The following FER1L5 variants were observed in gnomAD, a reference collection of about 807,000 sequenced individuals.
The protein encoded by FER1L5 is fer-1 like family member 5, also known as fer-1-like protein 5.
Under a neutral mutation model 279.9 loss-of-function variants are expected in FER1L5, and 187 were observed. The observed-to-expected ratio is 0.67, with a 90% CI of 0.59 to 0.75. FER1L5 has a LOEUF of 0.75. FER1L5 is among the 30% of genes least tolerant of loss of function. FER1L5 has a pLI of 0.00. For missense variants in FER1L5, 2,091 were observed against 2,594.4 expected (o/e 0.81, Z 4.21); for synonymous variants, 921 against 989.7 (o/e 0.93, Z 1.30).
At position 96,702,513 on chromosome 2, in the gene FER1L5, G is replaced by A. The variant is rs984344146; in HGVS notation, c.5256-87G>A. The A allele has an allele frequency of 3.5e-5, 54 of 1,548,456 alleles. No homozygotes were observed. Among genetic ancestry groups the A allele is most frequent in the Admixed American group, 2.8e-4 (14 of 50,888 alleles). On this transcript the variant is annotated intron_variant, in intron 47 of 52. Coordinates refer to ENST00000624922, the MANE Select transcript of FER1L5 (RefSeq NM_001293083.2). The surrounding 1 kb of genome is among the most constrained non-coding windows in gnomAD (Gnocchi z 4.0). Reference sequence around the variant, plus strand: ...ACCTCTCCATCCAGCTCTGCCTGGCGTCGGCTGGGCAGCCCTTCCCATGGG... The same window carrying A: ...ACCTCTCCATCCAGCTCTGCCTGGCATCGGCTGGGCAGCCCTTCCCATGGG...
rs148662359 is a variant in FER1L5 at position 96,657,065 on chromosome 2, T to TTATA, written c.747+2584_747+2587dup. On this transcript the variant is annotated intron_variant, in intron 9 of 52. Transcript: ENST00000624922. ...TGTTTTTTTATTTTTATTTTTTAATTTATATATATATATATATAGTTTTTT... is the reference window on the plus strand; with the variant it reads ...TGTTTTTTTATTTTTATTTTTTAATTTATATATATATATATATATATAGTTTTTT... 8.4e-3 allele frequency among the ~76,000 whole-genome samples: 1,224 copies of TTATA among 145,814 alleles called. 9 individuals are homozygous for TTATA. Among genetic ancestry groups the TTATA allele is most frequent in the East Asian group, 0.021 (106 of 5,020 alleles).
chr2:96,660,352 G>T lies in FER1L5; in HGVS notation c.759G>T (p.Gly253=). 1.3e-6 allele frequency: 2 copies of T among 1,551,588 alleles called. No homozygotes were observed. The highest frequency in any genetic ancestry group is 1.7e-6 in the Non-Finnish European group (2 of 1,146,954). The stretch of plus-strand genomic sequence containing the variant: ...TGTTGTCTTTTCAGACAGATATTGG[G>T]TTTATCTACCATTCTCCAGGTAGGT... ...AEIGRFQTDI[G]FIYHSPGHTL... The change falls in exon 10 of 53, where the codon GGG becomes GGT. Residue 253 remains glycine, a synonymous_variant. Coordinates refer to ENST00000624922, the MANE Select transcript of FER1L5 (RefSeq NM_001293083.2).
At chr2:96,669,246 G>C (rs919006412) in intron 17 of FER1L5, 109 bp downstream of exon 17, 1 of 1,077,008 alleles carries the variant, frequency 9.3e-7, no homozygotes, top group African/African-American at 1.6e-5. Flanking sequence ...TCTGTCCCTC[G>C]GGGTCTTGTG....
At chr2:96,653,170 C>T (rs905717992) in intron 7 of FER1L5, 2 of 174,128 alleles carry the variant, frequency 1.1e-5, no homozygotes, top group African/African-American at 2.4e-5. Flanking sequence ...GATTGCACCA[C>T]CACACTCCAG....
intron 31 of FER1L5, 88 bp downstream of exon 31, chr2:96,692,269 C>T: frequency 7.1e-7 from 1 of 1,415,682 alleles, no homozygotes; most frequent in South Asian, 1.2e-5. Flanking sequence ...CAAGGCAGCC[C>T]TGCTTGCAGT....
chr2:96,685,968 C>A lies in FER1L5; in HGVS notation c.1924C>A (p.Pro642Thr). The A allele has an allele frequency of 6.5e-7, 1 of 1,548,594 alleles. No homozygotes were observed. The change falls in exon 22 of 53, where the codon CCC (proline) becomes ACC (threonine). Residue 642 changes from proline (P) to threonine (T), a missense_variant. Transcript: ENST00000624922. ...KRPLPCMTYQ[P>T]KATSLDRKRW... The stretch of plus-strand genomic sequence containing the variant: ...CCCTCTGCCCTGCATGACCTATCAG[C>A]CCAAAGCCACCAGCCTGGACAGGAA...
rs1024584622 is a variant in FER1L5, at chr2:96,693,492, C to T, written c.3293-14C>T. On this transcript the variant is annotated splice_polypyrimidine_tract_variant and intron_variant, in intron 31 of 52. Transcript: ENST00000624922. ...CAGCTCAAGACACTGCTACCTTCTC[C>T]TCTACCCCTCCAGGGCCCTTCATTC... 4 of 1,548,020 alleles carry T rather than the reference C, an allele frequency of 2.6e-6. No homozygotes were observed. The highest frequency in any genetic ancestry group is 2.7e-5 in the African/African-American group (2 of 72,868).
chr2:96,666,032 C>G (rs767663272), intron 14 of FER1L5, among the ~76,000 whole-genome samples: 3 of 151,876 alleles, frequency 2.0e-5, no homozygotes, highest in Non-Finnish European at 4.4e-5. Context: ...GGGTGGGGCC[C>G]TTTGGATACT....
Position 96,689,109 on chromosome 2 carries a change from T to A in FER1L5, c.2362-104T>A. 7.4e-7 allele frequency: 1 copy of A among 1,359,574 alleles called. No individual in the cohort carries two copies. Among genetic ancestry groups the A allele is most frequent in the Non-Finnish European group, 9.8e-7 (1 of 1,017,304 alleles). The allele number at this position is 1,359,574 out of a possible 1,614,324, so 84.2% of individuals were successfully genotyped here. ...CCTTTCTTGCCTGGCTACCACATTT[T>A]TAGGATGCCCCTGCAGCCCAGAGTC... is the stretch of plus-strand genomic sequence containing the variant. On this transcript the variant is annotated intron_variant, in intron 24 of 52. Transcript: ENST00000624922. The surrounding 1 kb of genome is among the most constrained non-coding windows in gnomAD (Gnocchi z 4.6).
At chr2:96,652,296 G>A (rs1301584683) in intron 7 of FER1L5, 1 of 447,278 alleles carries the variant, frequency 2.2e-6, no homozygotes, top group Non-Finnish European at 4.1e-6. Context: ...TGGGAGTATT[G>A]CTATTGGAGG....
chr2:96,688,502 G>A (rs147302053), intron 24 of FER1L5, among the ~76,000 whole-genome samples: 38 of 152,336 alleles, frequency 2.5e-4, no homozygotes, highest in African/African-American at 8.4e-4. Context: ...TAGAACCAGA[G>A]GAGGGGAGAT....
At chr2:96,661,509 C>T (rs1558859350) in intron 11 of FER1L5, 69 bp downstream of exon 11, 2 of 1,514,588 alleles carry the variant, frequency 1.3e-6, no homozygotes, top group African/African-American at 1.4e-5. Flanking sequence ...TGGGCCTCAC[C>T]CTGGATATTG....
chr2:96,649,232 A>G (rs2075266600), intron 4 of FER1L5, among the ~76,000 whole-genome samples: 1 of 152,140 alleles, frequency 6.6e-6, no homozygotes, highest in African/African-American at 2.4e-5. Context: ...GAAGGAGCTC[A>G]GTTAGAAGGG....
intron 51 of FER1L5, 29 bp from the exon 52 acceptor site, chr2:96,704,186 T>G (rs1468942536): frequency 1.2e-6 from 2 of 1,609,512 alleles, no homozygotes; most frequent in African/African-American, 2.7e-5. Flanking sequence ...TCCCTGCCAT[T>G]CTCTGACATC....
At chr2:96,679,414 G>A (rs2076635261) in intron 19 of FER1L5, among the ~76,000 whole-genome samples, 1 of 152,092 alleles carries the variant, frequency 6.6e-6, no homozygotes. Context: ...AGTAGAGACG[G>A]GGTTTCACCA....
rs752557299 is a variant in FER1L5, at chr2:96,699,984, C to T, written c.4834C>T (p.Arg1612Cys). 8.1e-6 allele frequency: 13 copies of T among 1,613,888 alleles called. No individual in the cohort carries two copies. Among genetic ancestry groups the T allele is most frequent in the East Asian group, 4.5e-5 (2 of 44,900 alleles). ...DQMPPSYLLERYAKRKGLPPP... is the reference protein window; with the variant it reads ...DQMPPSYLLECYAKRKGLPPP... ...GATGCCCCCAAGCTACCTCCTAGAACGCTATGCCAAGCGGAAAGGGCTACC... is the reference window on the plus strand; with the variant it reads ...GATGCCCCCAAGCTACCTCCTAGAATGCTATGCCAAGCGGAAAGGGCTACC... Residue 1612 changes from arginine to cysteine, a missense_variant, in exon 44 of 53, where the codon CGC (arginine) becomes TGC (cysteine). By Grantham distance (180) the Arg-to-Cys change is radical. Coordinates refer to ENST00000624922, the MANE Select transcript of FER1L5 (RefSeq NM_001293083.2).
intron 13 of FER1L5, among the ~76,000 whole-genome samples, chr2:96,662,912 G>A (rs568606991): frequency 3.3e-5 from 5 of 152,154 alleles, no homozygotes; most frequent in South Asian, 2.1e-4. Context: ...TAGGTGAAAC[G>A]TTCTCAGGTG....
At chr2:96,695,395 GC>G (rs1171227325) in intron 34 of FER1L5, 113 bp from the exon 35 acceptor site, 1 of 1,361,700 alleles carries the variant, frequency 7.3e-7, no homozygotes, top group African/African-American at 1.5e-5. Flanking sequence ...CCATTCCCTG[GC>G]CCTGCAGGCT....
chr2:96,674,904 C>G (rs1040737454), intron 19 of FER1L5, among the ~76,000 whole-genome samples: 6 of 152,180 alleles, frequency 3.9e-5, no homozygotes, highest in African/African-American at 1.2e-4. Context: ...GAAAGGGTCC[C>G]TGTTTGCTCT....
Sources: allele counts gnomAD v4.1 joint callset (sites outside exome capture counted in the v4.1 genomes callset), GRCh38; gene constraint gnomAD v4.1.1; non-coding constraint Gnocchi (gnomAD v3.1); transcripts MANE v1.5; gene names NCBI Gene and HGNC (gene_info 2026-07-23, HGNC 2026-07-21).